Variants in STXBP5L observed in about 807,000 individuals in gnomAD.
STXBP5L encodes the protein syntaxin-binding protein 5-like.
STXBP5L carries 65 observed loss-of-function variants against 144.5 expected under a neutral mutation model. That is an observed-to-expected ratio of 0.45 (90% confidence interval 0.37 to 0.55). The LOEUF is 0.55. Ranked by LOEUF, STXBP5L falls within the 20% of genes least tolerant of loss-of-function variation. The pLI, the probability that STXBP5L is intolerant of heterozygous loss-of-function variation, is 0.00. For missense variants in STXBP5L, 1,298 were observed against 1,405.5 expected (o/e 0.92, Z 1.22); for synonymous variants, 505 against 469.6 (o/e 1.08, Z -0.97).
chr3:120,991,837 G>A (rs889282998), intron 3 of STXBP5L, among the ~76,000 whole-genome samples: 1 of 151,948 alleles, frequency 6.6e-6, no homozygotes, highest in East Asian at 1.9e-4. Flanking sequence ...GGGAGGGATA[G>A]CATTAGGAGA....
chr3:121,382,525 C>T (rs551994466), intron 22 of STXBP5L, among the ~76,000 whole-genome samples: 1 of 151,796 alleles, frequency 6.6e-6, no homozygotes, highest in Non-Finnish European at 1.5e-5. Context: ...TCAGTGATAC[C>T]ATAATGAATT....
chr3:121,010,729 C>T (rs936405502), intron 3 of STXBP5L, among the ~76,000 whole-genome samples: 6 of 151,596 alleles, frequency 4.0e-5, no homozygotes, highest in East Asian at 1.9e-4. Flanking sequence ...ATACTGTATT[C>T]GTATAATAAC....
rs1171554208 is a variant in STXBP5L at position 121,250,716 on chromosome 3, C to T, written c.1401-7C>T. On this transcript the variant is annotated splice_polypyrimidine_tract_variant and splice_region_variant and intron_variant, in intron 14 of 26. Coordinates refer to ENST00000471454, the MANE Select transcript of STXBP5L (RefSeq NM_001308330.2). Reference sequence around the variant, plus strand: ...CTTTAATTAATGCTAATTTATTTCTCATCTAGTCATGCAGATGGATCAATA... The same window carrying T: ...CTTTAATTAATGCTAATTTATTTCTTATCTAGTCATGCAGATGGATCAATA... The T allele has an allele frequency of 1.2e-6, 2 of 1,604,814 alleles. No individual in the cohort carries two copies. The highest frequency in any genetic ancestry group is 1.7e-5 in the Admixed American group (1 of 59,094).
intron 20 of STXBP5L, among the ~76,000 whole-genome samples, chr3:121,331,990 G>C (rs1050186892): frequency 9.9e-5 from 15 of 151,372 alleles, no homozygotes; most frequent in Admixed American, 4.6e-4. Flanking sequence ...AACTCATACA[G>C]AGTCTTCACC....
At chr3:120,944,514 A>G (rs764138701) in intron 2 of STXBP5L, among the ~76,000 whole-genome samples, 1 of 151,702 alleles carries the variant, frequency 6.6e-6, no homozygotes, top group Non-Finnish European at 1.5e-5. Context: ...ATAAAATGGG[A>G]GTGGATTAGT....
chr3:121,259,099 A>G lies in STXBP5L; in HGVS notation c.1889A>G (p.Gln630Arg). The part of the protein sequence containing the change: ...PPGYQAELVI[Q>R]LVWVDGEPPQ... ...GGATATCAAGCAGAACTTGTTATTC[A>G]ATTGGTGTGGGTAGATGGTGAACCT... Residue 630 changes from glutamine (Q) to arginine (R), a missense_variant, in exon 18 of 27, where the codon CAA becomes CGA. Coordinates refer to ENST00000471454, the MANE Select transcript of STXBP5L (RefSeq NM_001308330.2). The G allele has an allele frequency of 6.2e-7, 1 of 1,606,760 alleles. No homozygotes were observed.
chr3:121,095,092 T>C (rs1005160455), intron 5 of STXBP5L, among the ~76,000 whole-genome samples: 2 of 152,196 alleles, frequency 1.3e-5, no homozygotes, highest in African/African-American at 4.8e-5. Flanking sequence ...AATTCTTTTC[T>C]TTAAGAATGT....
At chr3:121,262,452 A>G (rs1391787343) in intron 18 of STXBP5L, among the ~76,000 whole-genome samples, 3 of 152,198 alleles carry the variant, frequency 2.0e-5, no homozygotes, top group Non-Finnish European at 4.4e-5. Flanking sequence ...AAACATGGTG[A>G]AACCCCATCT....
chr3:121,113,578 G>C (rs2044093606), intron 5 of STXBP5L, among the ~76,000 whole-genome samples: 2 of 151,888 alleles, frequency 1.3e-5, no homozygotes, highest in South Asian at 2.1e-4. Context: ...ATGAAGTTTG[G>C]TTCAAAGAAA....
In STXBP5L at chr3:121,157,545, C is replaced by T; in HGVS notation, c.795C>T (p.Phe265=). 2 of 1,600,912 alleles carry T rather than the reference C, an allele frequency of 1.2e-6. No homozygotes were observed. The highest frequency in any genetic ancestry group is 1.7e-6 in the Non-Finnish European group (2 of 1,174,988). The change falls in exon 9 of 27, where the codon TTC becomes TTT. Residue 265 remains phenylalanine (F), a synonymous_variant. Coordinates refer to ENST00000471454, the MANE Select transcript of STXBP5L (RefSeq NM_001308330.2). The part of the protein sequence containing the change: ...SIDWHHEGKQ[F]MCSHSDGSLT... ...ATTGGCATCATGAGGGCAAACAGTT[C>T]ATGTGCAGCCATTCAGATGGTAGTT...
chr3:121,414,251 T>C (rs549133048), intron 24 of STXBP5L, among the ~76,000 whole-genome samples: 2 of 152,240 alleles, frequency 1.3e-5, no homozygotes, highest in African/African-American at 4.8e-5. Context: ...GAGACAGAAG[T>C]AAACACAATC....
At chr3:121,329,919 AT>A (rs76314130) in intron 20 of STXBP5L, among the ~76,000 whole-genome samples, 71,419 of 151,876 alleles carry the variant, frequency 0.47, 17,406 homozygotes, top group East Asian at 0.73. Flanking sequence ...TATGAAAAAA[AT>A]CTACATAAAG....
chr3:121,169,287 G>C (rs1249616930), intron 9 of STXBP5L, among the ~76,000 whole-genome samples: 2 of 152,044 alleles, frequency 1.3e-5, no homozygotes, highest in Non-Finnish European at 2.9e-5. Context: ...TCAACTAACA[G>C]GCAAAATAAA....
At chr3:121,214,112 G>T (rs1401378375) in intron 10 of STXBP5L, among the ~76,000 whole-genome samples, 3 of 151,740 alleles carry the variant, frequency 2.0e-5, no homozygotes, top group Non-Finnish European at 2.9e-5. Context: ...TATTTATTAG[G>T]CTGGCTAGTT....
intron 22 of STXBP5L, among the ~76,000 whole-genome samples, chr3:121,393,668 G>C (rs1049675832): frequency 6.6e-6 from 1 of 152,102 alleles, no homozygotes; most frequent in Non-Finnish European, 1.5e-5. Flanking sequence ...AATTTTTGCA[G>C]AACCATTTAT....
intron 5 of STXBP5L, among the ~76,000 whole-genome samples, chr3:121,055,875 T>G (rs1304963313): frequency 1.4e-5 from 2 of 142,460 alleles, no homozygotes; most frequent in Non-Finnish European, 3.1e-5. Flanking sequence ...TTTTTTTTTG[T>G]AGAAACAGAT....
chr3:121,068,933 G>C (rs753105698), intron 5 of STXBP5L, among the ~76,000 whole-genome samples: 2 of 151,984 alleles, frequency 1.3e-5, no homozygotes, highest in Non-Finnish European at 2.9e-5. Flanking sequence ...AGATTTGTAG[G>C]AAGTTGCAAA....
At chr3:121,042,694 A>C (rs1040398635) in intron 4 of STXBP5L, among the ~76,000 whole-genome samples, 3 of 152,120 alleles carry the variant, frequency 2.0e-5, no homozygotes, top group Non-Finnish European at 4.4e-5. Flanking sequence ...TTCATATCAG[A>C]GGTAACCCAA....
rs1476429558 is a variant in STXBP5L at position 121,413,141 on chromosome 3, T to C, written c.2949-17T>C. 1 of 1,552,500 alleles carries C rather than the reference T, an allele frequency of 6.4e-7. No individual in the cohort carries two copies. Among genetic ancestry groups the C allele is most frequent in the Non-Finnish European group, 8.7e-7 (1 of 1,152,668 alleles). ...ACAACCTGCATATGATATATGGATT[T>C]ACTTTTTTCCATTCAGCCTACCTAG... On this transcript the variant is annotated splice_polypyrimidine_tract_variant and intron_variant, in intron 23 of 26. Transcript: ENST00000471454.
Sources: gnomAD v4.1 joint callset for allele counts (sites outside exome capture counted in the v4.1 genomes callset) on GRCh38, gnomAD v4.1.1 for gene constraint, MANE v1.5 for transcripts, NCBI Gene and HGNC (gene_info 2026-07-23, HGNC 2026-07-21) for gene names.